Variants in MAF observed in about 807,000 individuals in gnomAD.
MAF encodes transcription factor Maf.
Under a neutral mutation model 22.0 loss-of-function variants are expected in MAF, and 10 were observed. That is an observed-to-expected ratio of 0.45 (90% confidence interval 0.28 to 0.77). The LOEUF is 0.77. MAF is among the 30% of genes least tolerant of loss of function. The pLI, the probability that MAF is intolerant of heterozygous loss-of-function variation, is 0.12. For missense variants in MAF, 544 were observed against 548.4 expected, an observed-to-expected ratio of 0.99 and a Z score of 0.08; for synonymous variants, 337 against 255.8, an observed-to-expected ratio of 1.32 and a Z score of -3.03.
the MAF span, among the ~76,000 whole-genome samples, chr16:79,504,075 T>C: frequency 1.5e-4 from 23 of 152,238 alleles, no homozygotes; most frequent in African/African-American, 5.5e-4. Context: ...TTCTTTTAAA[T>C]ACTGCCTATC....
the MAF span, among the ~76,000 whole-genome samples, chr16:79,231,142 C>T: frequency 6.6e-6 from 1 of 152,048 alleles, no homozygotes; most frequent in Non-Finnish European, 1.5e-5. Flanking sequence ...AGCCACGATA[C>T]TGTCTCCACC....
At chr16:79,348,038 C>CCT in the MAF span, among the ~76,000 whole-genome samples, 1 of 152,014 alleles carries the variant, frequency 6.6e-6, no homozygotes, top group Non-Finnish European at 1.5e-5. Context: ...ATAGTTCGAT[C>CCT]CTCTTTCCCT....
chr16:79,478,803 C>T, the MAF span, among the ~76,000 whole-genome samples: 1 of 151,178 alleles, frequency 6.6e-6, no homozygotes, highest in South Asian at 2.1e-4. Context: ...CCTACGATAC[C>T]TGTGCACCAC....
At chr16:79,214,220 G>C in the MAF span, among the ~76,000 whole-genome samples, 1 of 151,592 alleles carries the variant, frequency 6.6e-6, no homozygotes, top group Non-Finnish European at 1.5e-5. Context: ...TATTTTTTCT[G>C]TCTACCCACT....
At chr16:79,530,291 T>G in the MAF span, among the ~76,000 whole-genome samples, 4 of 152,142 alleles carry the variant, frequency 2.6e-5, no homozygotes, top group Non-Finnish European at 4.4e-5. Flanking sequence ...TCAGGAGTGG[T>G]TCAAATGGGC....
the MAF span, among the ~76,000 whole-genome samples, chr16:79,377,786 T>A: frequency 1.3e-5 from 2 of 152,206 alleles, no homozygotes; most frequent in Non-Finnish European, 2.9e-5. Context: ...AAATAGGGAA[T>A]CCTTTCCCCA....
the MAF span, among the ~76,000 whole-genome samples, chr16:79,497,595 T>C: frequency 6.6e-6 from 1 of 152,222 alleles, no homozygotes; most frequent in Non-Finnish European, 1.5e-5. Flanking sequence ...ACAGGCCTCA[T>C]GTGGGTCTAC....
chr16:79,235,641 C>G, the MAF span, among the ~76,000 whole-genome samples: 2 of 152,016 alleles, frequency 1.3e-5, no homozygotes, highest in African/African-American at 4.8e-5. Flanking sequence ...ATGGGCAACT[C>G]TATGCACACG....
the MAF span, among the ~76,000 whole-genome samples, chr16:79,458,664 G>A: frequency 6.6e-5 from 10 of 152,198 alleles, no homozygotes; most frequent in Non-Finnish European, 5.9e-5. Context: ...ACATAAAAAA[G>A]TGGTAATAAT....
chr16:79,207,339 C>G, the MAF span, among the ~76,000 whole-genome samples: 2 of 152,216 alleles, frequency 1.3e-5, no homozygotes, highest in African/African-American at 2.4e-5. Flanking sequence ...TGTGTCTTTC[C>G]TTTTAGCCAA....
the MAF span, among the ~76,000 whole-genome samples, chr16:79,302,755 G>C: frequency 6.6e-6 from 1 of 152,222 alleles, no homozygotes; most frequent in Non-Finnish European, 1.5e-5. Flanking sequence ...GGCATTTGCT[G>C]TTATTCAAAA....
At chr16:79,239,101 T>C in the MAF span, among the ~76,000 whole-genome samples, 1 of 152,074 alleles carries the variant, frequency 6.6e-6, no homozygotes, top group Non-Finnish European at 1.5e-5. Flanking sequence ...GATTTGTCCA[T>C]AGTCACTGTC....
chr16:79,554,359 T>C, the MAF span, among the ~76,000 whole-genome samples: 2 of 152,172 alleles, frequency 1.3e-5, no homozygotes, highest in South Asian at 4.1e-4. Flanking sequence ...TCTTTCTTCC[T>C]AATCTCCCAG....
the MAF span, among the ~76,000 whole-genome samples, chr16:79,473,009 G>T: frequency 6.6e-6 from 1 of 152,102 alleles, no homozygotes; most frequent in Non-Finnish European, 1.5e-5. Flanking sequence ...TGGTGGGAAG[G>T]ACTGACGCTA....
the MAF span, among the ~76,000 whole-genome samples, chr16:79,307,807 A>T: frequency 6.6e-6 from 1 of 152,198 alleles, no homozygotes; most frequent in Non-Finnish European, 1.5e-5. Context: ...TGCTAGAATG[A>T]CAGTCACTGT....
At chr16:79,546,215 TC>T in the MAF span, among the ~76,000 whole-genome samples, 1 of 152,156 alleles carries the variant, frequency 6.6e-6, no homozygotes, top group African/African-American at 2.4e-5. Context: ...CAGATCTATG[TC>T]CACCTTATAA....
chr16:79,351,434 T>A, the MAF span, among the ~76,000 whole-genome samples: 3 of 151,754 alleles, frequency 2.0e-5, no homozygotes, highest in African/African-American at 7.3e-5. Flanking sequence ...GGGAGAGAGG[T>A]TTTATTGTTG....
chr16:79,370,354 C>A, the MAF span, among the ~76,000 whole-genome samples: 1 of 152,020 alleles, frequency 6.6e-6, no homozygotes, highest in African/African-American at 2.4e-5. Flanking sequence ...CCTTAAAACA[C>A]CCCCAAAATC....
At chr16:79,428,500 G>A in the MAF span, among the ~76,000 whole-genome samples, 1 of 152,158 alleles carries the variant, frequency 6.6e-6, no homozygotes, top group Admixed American at 6.5e-5. Context: ...GATAGAGAGA[G>A]ACAGAGAGAC....
Sources: allele counts gnomAD v4.1 joint callset (sites outside exome capture counted in the v4.1 genomes callset), GRCh38; gene constraint gnomAD v4.1.1; transcripts MANE v1.5; gene names NCBI Gene and HGNC (gene_info 2026-07-23, HGNC 2026-07-21).